CPQ: variants seen among roughly 807,000 people sequenced by gnomAD.
CPQ encodes the protein carboxypeptidase Q.
Under a neutral mutation model 45.7 loss-of-function variants are expected in CPQ, and 37 were observed. The observed-to-expected ratio is 0.81, with a 90% confidence interval of 0.62 to 1.07. The LOEUF is 1.07. Among genes scored for constraint, CPQ ranks in the 50% least tolerant of loss-of-function variants. The probability of loss-of-function intolerance (pLI) is 0.00; values close to 1 mark genes in which losing one functional copy is unlikely to be tolerated. For synonymous variants in CPQ, 186 were observed against 205.8 expected, an observed-to-expected ratio of 0.90 and a Z score of 0.82; for missense variants, 537 against 572.9, an observed-to-expected ratio of 0.94 and a Z score of 0.64.
chr8:96,813,123 G>T (rs1209246092), intron 2 of CPQ, among the ~76,000 whole-genome samples: 1 of 152,112 alleles, frequency 6.6e-6, no homozygotes, highest in East Asian at 1.9e-4. Context: ...CTTCAGCATG[G>T]CAGGTGGAGG....
intron 4 of CPQ, among the ~76,000 whole-genome samples, chr8:96,925,028 G>A (rs1163602752): frequency 6.6e-6 from 1 of 152,186 alleles, no homozygotes; most frequent in Non-Finnish European, 1.5e-5. Context: ...AATATTTATT[G>A]AATGAGTGAA....
chr8:96,694,754 G>A (rs1228214015), intron 1 of CPQ, among the ~76,000 whole-genome samples: 2 of 151,926 alleles, frequency 1.3e-5, no homozygotes, highest in Non-Finnish European at 2.9e-5. Context: ...AAAACCTATA[G>A]GATACAGTGA....
At chr8:96,981,693 T>C (rs1423509737) in intron 5 of CPQ, among the ~76,000 whole-genome samples, 3 of 152,220 alleles carry the variant, frequency 2.0e-5, no homozygotes, top group Non-Finnish European at 4.4e-5. Context: ...GTTAAACTTA[T>C]AAAGCAGAGG....
In CPQ at chr8:96,785,048, A is replaced by T; in HGVS notation, c.151A>T (p.Ile51Phe). The T allele has an allele frequency of 6.2e-7, 1 of 1,613,928 alleles. No homozygotes were observed. Among genetic ancestry groups the T allele is most frequent in the South Asian group, 1.1e-5 (1 of 91,080 alleles). ...ASCGDVAKAI[I>F]NLAVYGKAQN... ...CTGTGGAGATGTTGCTAAAGCAATC[A>T]TCAACCTAGCTGTTTATGGTAAAGC... Residue 51 changes from isoleucine to phenylalanine, a missense_variant, in exon 2 of 8, where the codon ATC (isoleucine) becomes TTC (phenylalanine). Ile to Phe is a conservative substitution (Grantham distance 21). Transcript: ENST00000220763.
intron 5 of CPQ, among the ~76,000 whole-genome samples, chr8:96,988,283 A>C (rs1228016698): frequency 6.6e-6 from 1 of 152,200 alleles, no homozygotes; most frequent in Non-Finnish European, 1.5e-5. Flanking sequence ...TTAACTTTTT[A>C]ATAAATCGTA....
At chr8:97,081,357 G>A (rs1049580794) in intron 7 of CPQ, among the ~76,000 whole-genome samples, 8 of 151,986 alleles carry the variant, frequency 5.3e-5, no homozygotes, top group Non-Finnish European at 1.2e-4. Flanking sequence ...CCCCCCATAC[G>A]CTTAAATTTT....
chr8:97,117,683 C>T (rs1276732334), intron 7 of CPQ, among the ~76,000 whole-genome samples: 3 of 152,078 alleles, frequency 2.0e-5, no homozygotes, highest in Non-Finnish European at 4.4e-5. Context: ...CAGGCATGTG[C>T]CATCACACCT....
At chr8:96,912,628 G>A (rs1030713561) in intron 4 of CPQ, among the ~76,000 whole-genome samples, 12 of 152,160 alleles carry the variant, frequency 7.9e-5, no homozygotes, top group Non-Finnish European at 4.4e-5. Context: ...TTTCTTCAGA[G>A]TTTTACAGAA....
At chr8:96,910,167 G>T (rs997131155) in intron 4 of CPQ, among the ~76,000 whole-genome samples, 2 of 152,076 alleles carry the variant, frequency 1.3e-5, no homozygotes, top group African/African-American at 2.4e-5. Flanking sequence ...GGTCTGTGGG[G>T]TTTTTTTCCC....
chr8:96,868,667 C>G (rs574676912), intron 3 of CPQ, among the ~76,000 whole-genome samples: 2 of 151,934 alleles, frequency 1.3e-5, no homozygotes, highest in South Asian at 4.2e-4. Flanking sequence ...AGGAAAAAAT[C>G]CTGTCATTTC....
At chr8:96,770,295 T>C (rs554892387) in intron 1 of CPQ, among the ~76,000 whole-genome samples, 21 of 152,162 alleles carry the variant, frequency 1.4e-4, no homozygotes, top group Non-Finnish European at 2.8e-4. Flanking sequence ...GGAATCATTA[T>C]ACCATTTGCC....
In CPQ at chr8:97,129,942, T is replaced by C. The variant is rs140722992; in HGVS notation, c.1256-13078T>C. Among the ~76,000 whole-genome samples the C allele has an allele frequency of 4.3e-3, 650 of 152,268 alleles. 3 individuals are homozygous for C. Among genetic ancestry groups the C allele is most frequent in the African/African-American group, 0.015 (610 of 41,544 alleles). ...AATATGGTGCCCTTTCCAAAATCCT[T>C]CTACGCAAGTCCTGCTGCACTAGTC... is the stretch of plus-strand genomic sequence containing the variant. On this transcript the variant is annotated intron_variant, in intron 7 of 7. Coordinates refer to ENST00000220763, the MANE Select transcript of CPQ (RefSeq NM_016134.4).
At chr8:97,081,991 T>G (rs143473451) in intron 7 of CPQ, among the ~76,000 whole-genome samples, 118 of 152,320 alleles carry the variant, frequency 7.7e-4, no homozygotes, top group African/African-American at 2.7e-3. Flanking sequence ...TAACACTTAA[T>G]AAGCCACTTT....
chr8:96,830,835 T>C lies in CPQ; in HGVS notation c.434-4138T>C, dbSNP rs1811447429. ...CTTTTATATACCTATTTGTTTTCCT[T>C]CCTAATTCCTCTTAAAATGAAAATG... On this transcript the variant is annotated intron_variant, in intron 2 of 7. Transcript: ENST00000220763. Among the ~76,000 whole-genome samples, 3 of 152,174 alleles carry C rather than the reference T, an allele frequency of 2.0e-5. No homozygotes were observed. In the South Asian group the frequency reaches 6.2e-4, roughly 31 times the overall value.
chr8:96,768,393 G>A (rs1417625486), intron 1 of CPQ, among the ~76,000 whole-genome samples: 4 of 151,276 alleles, frequency 2.6e-5, no homozygotes, highest in Admixed American at 2.0e-4. Flanking sequence ...TCTTTTTCCT[G>A]TGCAAGAGCC....
chr8:96,949,138 GT>G (rs975695764), intron 4 of CPQ, among the ~76,000 whole-genome samples: 3 of 152,070 alleles, frequency 2.0e-5, no homozygotes, highest in African/African-American at 7.2e-5. Context: ...TTAAAATTCA[GT>G]GTAATAATTG....
chr8:96,776,560 C>T (rs1029122594), intron 1 of CPQ, among the ~76,000 whole-genome samples: 7 of 152,014 alleles, frequency 4.6e-5, no homozygotes, highest in African/African-American at 7.3e-5. Flanking sequence ...GAGACATTTT[C>T]GAATGATAAT....
chr8:96,707,692 A>AT (rs749662075), intron 1 of CPQ, among the ~76,000 whole-genome samples: 2,275 of 140,812 alleles, frequency 0.016, 34 homozygotes, highest in South Asian at 0.043. Flanking sequence ...TGAATGAATG[A>AT]TTTTTTTTTT....
chr8:96,812,773 A>G (rs1030690252), intron 2 of CPQ, among the ~76,000 whole-genome samples: 1 of 152,038 alleles, frequency 6.6e-6, no homozygotes, highest in Non-Finnish European at 1.5e-5. Flanking sequence ...AGACAAGCAA[A>G]TAAGAGGCTG....
Sources: allele counts gnomAD v4.1 joint callset (sites outside exome capture counted in the v4.1 genomes callset), GRCh38; gene constraint gnomAD v4.1.1; transcripts MANE v1.5; gene names NCBI Gene and HGNC (gene_info 2026-07-23, HGNC 2026-07-21).